LUZP2: variants seen among roughly 807,000 people sequenced by gnomAD.
The protein encoded by LUZP2 is leucine zipper protein 2.
A neutral mutation model predicts 51.6 loss-of-function variants in LUZP2; 52 were observed. The ratio of observed to expected loss-of-function variants is 1.01; its 90% CI spans 0.81 to 1.27. The LOEUF is 1.27. Among genes scored for constraint, LUZP2 ranks in the 50% most tolerant of loss-of-function variants. The probability of loss-of-function intolerance (pLI) is 0.00; values close to 1 mark genes in which losing one functional copy is unlikely to be tolerated. For missense variants in LUZP2, 436 were observed against 395.4 expected, an observed-to-expected ratio of 1.10 and a Z score of -0.87; for synonymous variants, 154 against 137.3, an observed-to-expected ratio of 1.12 and a Z score of -0.85.
chr11:24,621,585 T>A (rs1854496844), intron 1 of LUZP2, among the ~76,000 whole-genome samples: 1 of 152,200 alleles, frequency 6.6e-6, no homozygotes, highest in African/African-American at 2.4e-5. Flanking sequence ...TGTCATTAAT[T>A]GAAAAGCCTG....
chr11:24,919,701 A>C (rs890695244), intron 7 of LUZP2, among the ~76,000 whole-genome samples: 6 of 149,786 alleles, frequency 4.0e-5, no homozygotes, highest in Non-Finnish European at 6.0e-5. Context: ...CATTATGATG[A>C]AAAATCCTTT....
At chr11:24,601,577 T>C (rs939047202) in intron 1 of LUZP2, among the ~76,000 whole-genome samples, 13 of 151,868 alleles carry the variant, frequency 8.6e-5, no homozygotes, top group African/African-American at 2.4e-4. Context: ...ATAAGAAAAG[T>C]CATGCATTAT....
At chr11:24,957,253 G>C (rs1291959205) in intron 7 of LUZP2, among the ~76,000 whole-genome samples, 1 of 151,910 alleles carries the variant, frequency 6.6e-6, no homozygotes, top group African/African-American at 2.4e-5. Context: ...AATTATACTT[G>C]TATATATGTA....
chr11:24,521,970 C>T (rs1057118691), intron 1 of LUZP2, among the ~76,000 whole-genome samples: 8 of 151,780 alleles, frequency 5.3e-5, no homozygotes, highest in African/African-American at 1.7e-4. Context: ...ATATATTTTT[C>T]GAATCAGTGG....
chr11:24,966,965 T>C (rs1421861245), intron 7 of LUZP2, among the ~76,000 whole-genome samples: 2 of 150,242 alleles, frequency 1.3e-5, no homozygotes, highest in Non-Finnish European at 3.0e-5. Context: ...AACTTAGTAT[T>C]TTTAATGCAT....
intron 2 of LUZP2, among the ~76,000 whole-genome samples, chr11:24,731,359 C>G (rs1368543670): frequency 1.2e-5 from 1 of 80,688 alleles, no homozygotes. Flanking sequence ...ATTCTTGCCT[C>G]TTAGTTTTGA....
chr11:24,851,884 A>C (rs1439526054), intron 5 of LUZP2, among the ~76,000 whole-genome samples: 1 of 152,076 alleles, frequency 6.6e-6, no homozygotes, highest in Non-Finnish European at 1.5e-5. Context: ...CATTTCTTTT[A>C]GATTTTCTAG....
Position 24,581,821 on chromosome 11 carries a change from T to C in LUZP2, c.62+84516T>C, listed in dbSNP as rs1852866948. On this transcript the variant is annotated intron_variant, in intron 1 of 11. Coordinates refer to ENST00000336930, the MANE Select transcript of LUZP2 (RefSeq NM_001009909.4). ...TTCTTATTTAACTCTCACAACAAAG[T>C]TAGCAGTTATGTGCTATCAAATCAT... Among the ~76,000 whole-genome samples, 3 of 152,212 alleles carry C rather than the reference T, an allele frequency of 2.0e-5. No individual in the cohort carries two copies. In the South Asian group the frequency reaches 6.2e-4, roughly 32 times the overall value.
intron 1 of LUZP2, among the ~76,000 whole-genome samples, chr11:24,690,055 G>A (rs1857020379): frequency 6.6e-6 from 1 of 151,994 alleles, no homozygotes; most frequent in African/African-American, 2.4e-5. Context: ...TGGCCTAATG[G>A]GAGGAATAGA....
At chr11:25,016,236 T>TA (rs909296825) in intron 9 of LUZP2, among the ~76,000 whole-genome samples, 12 of 152,122 alleles carry the variant, frequency 7.9e-5, no homozygotes, top group African/African-American at 2.6e-4. Flanking sequence ...TGTGAAATTT[T>TA]AATGCACCTG....
chr11:24,908,199 C>T (rs1853516258), intron 6 of LUZP2, among the ~76,000 whole-genome samples: 1 of 151,950 alleles, frequency 6.6e-6, no homozygotes, highest in Admixed American at 6.6e-5. Context: ...TATCTAAATC[C>T]CATTGACACC....
At chr11:24,796,959 A>G (rs1277313678) in intron 5 of LUZP2, among the ~76,000 whole-genome samples, 1 of 152,102 alleles carries the variant, frequency 6.6e-6, no homozygotes, top group African/African-American at 2.4e-5. Context: ...ACAACAAAGC[A>G]TGGTGGACAG....
At chr11:24,642,095 G>T (rs1473323897) in intron 1 of LUZP2, among the ~76,000 whole-genome samples, 3 of 151,624 alleles carry the variant, frequency 2.0e-5, no homozygotes, top group Non-Finnish European at 2.9e-5. Context: ...TCACTATGTT[G>T]GTCAGGATGG....
intron 1 of LUZP2, among the ~76,000 whole-genome samples, chr11:24,633,962 G>GTATA (rs753189196): frequency 9.9e-5 from 14 of 140,910 alleles, no homozygotes; most frequent in Non-Finnish European, 1.9e-4. Flanking sequence ...GTGTGTGTGT[G>GTATA]TGTATATATA....
intron 1 of LUZP2, among the ~76,000 whole-genome samples, chr11:24,728,003 A>T: frequency 6.6e-6 from 1 of 151,996 alleles, no homozygotes; most frequent in East Asian, 1.9e-4. Flanking sequence ...ATATGTATAT[A>T]TTTTCAATTA....
At chr11:24,765,398 T>C (rs1860144910) in intron 5 of LUZP2, among the ~76,000 whole-genome samples, 1 of 152,114 alleles carries the variant, frequency 6.6e-6, no homozygotes, top group Non-Finnish European at 1.5e-5. Flanking sequence ...GTGAGGGAAT[T>C]AGGGAAGTGC....
chr11:24,887,623 C>A (rs921189723), intron 5 of LUZP2, among the ~76,000 whole-genome samples: 2 of 152,108 alleles, frequency 1.3e-5, no homozygotes, highest in Non-Finnish European at 2.9e-5. Flanking sequence ...GGTAACTGAG[C>A]CCTAGTTCTG....
At chr11:24,558,567 T>C (rs551951546) in intron 1 of LUZP2, among the ~76,000 whole-genome samples, 7 of 152,152 alleles carry the variant, frequency 4.6e-5, no homozygotes, top group African/African-American at 1.7e-4. Context: ...TCTTGCAAAT[T>C]AGAAAATTAG....
chr11:24,976,394 A>G (rs1293508608), intron 7 of LUZP2, among the ~76,000 whole-genome samples, 197 bp from the exon 8 acceptor site: 1 of 151,828 alleles, frequency 6.6e-6, no homozygotes, highest in Non-Finnish European at 1.5e-5. Flanking sequence ...CATTTTCTGC[A>G]TATTAAATAT....
Sources: gnomAD v4.1 joint callset for allele counts (sites outside exome capture counted in the v4.1 genomes callset) on GRCh38, gnomAD v4.1.1 for gene constraint, MANE v1.5 for transcripts, NCBI Gene and HGNC (gene_info 2026-07-23, HGNC 2026-07-21) for gene names.